The following PPM1H variants were observed in gnomAD, a reference collection of about 807,000 sequenced individuals.
PPM1H encodes the protein protein phosphatase 1H.
PPM1H carries 27 observed loss-of-function variants against 54.9 expected under a neutral mutation model. That is an observed-to-expected ratio of 0.49 (90% CI 0.36 to 0.68). PPM1H has a LOEUF of 0.68. PPM1H is among the 30% of genes least tolerant of loss of function. The pLI is 0.00. For missense variants in PPM1H, 596 were observed against 667.8 expected (o/e 0.89, Z 1.19); for synonymous variants, 305 against 270.8 (o/e 1.13, Z -1.24).
chr12:62,881,935 T>C (rs1246471888), intron 1 of PPM1H, among the ~76,000 whole-genome samples: 1 of 152,204 alleles, frequency 6.6e-6, no homozygotes, highest in Non-Finnish European at 1.5e-5. Context: ...ATGTTCTAGA[T>C]CTGTCCTGTC....
intron 1 of PPM1H, among the ~76,000 whole-genome samples, chr12:62,879,383 CT>C (rs1218979801): frequency 6.6e-6 from 1 of 152,098 alleles, no homozygotes; most frequent in East Asian, 1.9e-4. Context: ...CAAAGATAGA[CT>C]GGATAAAGAA....
Position 62,838,341 on chromosome 12 carries a change from G to C in PPM1H, c.246-6062C>G, listed in dbSNP as rs373499177. On this transcript the variant is annotated intron_variant, in intron 1 of 9. Transcript: ENST00000228705. Reference sequence around the variant, plus strand: ...TAAAATACAGTGTGTGTGTGTGTGGGGGGGGGGAGATGAATAACTTATGGA... The same window carrying C: ...TAAAATACAGTGTGTGTGTGTGTGGCGGGGGGGAGATGAATAACTTATGGA... 3.7e-5 allele frequency among the ~76,000 whole-genome samples: 5 copies of C among 135,668 alleles called. No homozygotes were observed. In the East Asian group the frequency reaches 6.3e-4, roughly 17 times the overall value. 89.0% of individuals were successfully genotyped at this position (135,668 alleles called of 152,430 possible).
intron 9 of PPM1H, among the ~76,000 whole-genome samples, chr12:62,666,690 G>T (rs978405181): frequency 2.0e-5 from 3 of 152,048 alleles, no homozygotes; most frequent in Non-Finnish European, 4.4e-5. Context: ...ACTTAAGGGG[G>T]ATTTTTATTT....
chr12:62,779,749 C>T lies in PPM1H; in HGVS notation c.869+8477G>A, dbSNP rs922592820. 3.7e-4 allele frequency among the ~76,000 whole-genome samples: 57 copies of T among 152,260 alleles called. 1 individual carries two copies. Among genetic ancestry groups the T allele is most frequent in the Non-Finnish European group, 5.9e-5 (4 of 68,046 alleles). ...GTCCCTGCTCTTAACCACCATCCTG[C>T]CTGCCTGTGGCTATCACTTCTATCC... On this transcript the variant is annotated intron_variant, in intron 4 of 9. Coordinates refer to ENST00000228705, the MANE Select transcript of PPM1H (RefSeq NM_020700.2).
At chr12:62,706,839 T>A (rs955137621) in intron 6 of PPM1H, among the ~76,000 whole-genome samples, 10 of 152,168 alleles carry the variant, frequency 6.6e-5, no homozygotes, top group Non-Finnish European at 1.5e-4. Flanking sequence ...AAAAAAAAAA[T>A]TTAAGCTCAT....
At chr12:62,861,902 C>T (rs948936858) in intron 1 of PPM1H, among the ~76,000 whole-genome samples, 1 of 152,208 alleles carries the variant, frequency 6.6e-6, no homozygotes, top group African/African-American at 2.4e-5. Flanking sequence ...AGCCAAGAAT[C>T]TGTATTATGA....
intron 1 of PPM1H, among the ~76,000 whole-genome samples, chr12:62,889,848 T>A (rs1163026076): frequency 6.6e-6 from 1 of 152,196 alleles, no homozygotes; most frequent in Non-Finnish European, 1.5e-5. Context: ...GTAGAAAATC[T>A]ACGTGGCCTT....
At chr12:62,695,378 C>T (rs959992199) in intron 6 of PPM1H, among the ~76,000 whole-genome samples, 3 of 151,984 alleles carry the variant, frequency 2.0e-5, no homozygotes, top group Non-Finnish European at 2.9e-5. Flanking sequence ...GGGGCTCATT[C>T]GTGAGATTAT....
chr12:62,761,364 G>A (rs2076507829), intron 4 of PPM1H, among the ~76,000 whole-genome samples: 1 of 152,196 alleles, frequency 6.6e-6, no homozygotes, highest in African/African-American at 2.4e-5. Context: ...GGGGCAAATG[G>A]GATTATGTAT....
chr12:62,654,610 C>T (rs987485297), intron 9 of PPM1H, among the ~76,000 whole-genome samples: 10 of 152,184 alleles, frequency 6.6e-5, no homozygotes, highest in South Asian at 4.1e-4. Flanking sequence ...TACTTCCCTT[C>T]GTTCCTCCTC....
intron 6 of PPM1H, among the ~76,000 whole-genome samples, chr12:62,711,920 C>T (rs1178884566): frequency 6.6e-6 from 1 of 152,174 alleles, no homozygotes; most frequent in East Asian, 1.9e-4. Context: ...ATAGCTTCCA[C>T]TGGCCTCCTG....
intron 1 of PPM1H, among the ~76,000 whole-genome samples, chr12:62,880,050 G>T (rs1448086273): frequency 6.6e-6 from 1 of 152,098 alleles, no homozygotes; most frequent in Non-Finnish European, 1.5e-5. Context: ...AACTTTAAAA[G>T]CTGACCTTTG....
chr12:62,714,756 G>A (rs1229953375), intron 6 of PPM1H, among the ~76,000 whole-genome samples: 3 of 152,182 alleles, frequency 2.0e-5, no homozygotes, highest in Admixed American at 1.3e-4. Flanking sequence ...CCCCTGAAAT[G>A]AGACCATCAT....
chr12:62,716,272 T>C (rs1029605968), intron 6 of PPM1H, among the ~76,000 whole-genome samples: 2 of 152,194 alleles, frequency 1.3e-5, no homozygotes, highest in Non-Finnish European at 2.9e-5. Flanking sequence ...TCCCACTTTC[T>C]CCTCTTACGA....
At chr12:62,839,136 T>C (rs570957031) in intron 1 of PPM1H, among the ~76,000 whole-genome samples, 4 of 152,220 alleles carry the variant, frequency 2.6e-5, no homozygotes, top group African/African-American at 9.6e-5. Context: ...TGTGTGGTAG[T>C]GTGGCTGGGC....
intron 5 of PPM1H, among the ~76,000 whole-genome samples, chr12:62,737,228 A>AC (rs1337269784): frequency 4.6e-5 from 7 of 151,128 alleles, no homozygotes; most frequent in East Asian, 1.9e-4. Flanking sequence ...AAAAAAAAAA[A>AC]AAAACAAAAA....
chr12:62,728,282 A>G (rs2076301107), intron 5 of PPM1H, among the ~76,000 whole-genome samples: 1 of 152,198 alleles, frequency 6.6e-6, no homozygotes, highest in Non-Finnish European at 1.5e-5. Context: ...GCAGCTAAAA[A>G]AAGGAAACTT....
In PPM1H at chr12:62,826,736, G is replaced by T. The variant is rs1868295601; in HGVS notation, c.411+5378C>A. Among the ~76,000 whole-genome samples the T allele has an allele frequency of 2.6e-5, 4 of 152,194 alleles. No homozygotes were observed. In the South Asian group the frequency reaches 8.3e-4, roughly 32 times the overall value. On this transcript the variant is annotated intron_variant, in intron 2 of 9. Transcript: ENST00000228705. ...ACTAAATTTACAGGGGACAAAAGAGGTCAAGAAAGGAGGGAGAAATTAAGC... is the reference window on the plus strand; with the variant it reads ...ACTAAATTTACAGGGGACAAAAGAGTTCAAGAAAGGAGGGAGAAATTAAGC...
At chr12:62,777,505 T>C (rs148386311) in intron 4 of PPM1H, among the ~76,000 whole-genome samples, 12 of 152,366 alleles carry the variant, frequency 7.9e-5, no homozygotes, top group African/African-American at 2.6e-4. Flanking sequence ...GCTTATACTT[T>C]ATCTTCTAAC....
Sources: allele counts gnomAD v4.1 joint callset (sites outside exome capture counted in the v4.1 genomes callset), GRCh38; gene constraint gnomAD v4.1.1; transcripts MANE v1.5; gene names NCBI Gene and HGNC (gene_info 2026-07-23, HGNC 2026-07-21).